Variants in SLC12A1 observed in about 807,000 individuals in gnomAD.
SLC12A1 encodes solute carrier family 12 member 1.
A neutral mutation model predicts 130.4 loss-of-function variants in SLC12A1; 89 were observed. The observed-to-expected ratio is 0.68, with a 90% CI of 0.58 to 0.81. The LOEUF (loss-of-function observed/expected upper bound fraction) is 0.81, where lower values mean the gene tolerates loss of function less well. Among genes scored for constraint, SLC12A1 ranks in the 40% least tolerant of loss-of-function variants. The pLI, the probability that SLC12A1 is intolerant of heterozygous loss-of-function variation, is 0.00. For synonymous variants in SLC12A1, 499 were observed against 460.0 expected (o/e 1.08, Z -1.09); for missense variants, 1,310 against 1,336.4 (o/e 0.98, Z 0.31).
At chr15:48,211,489 G>A (rs1239302975) in intron 2 of SLC12A1, among the ~76,000 whole-genome samples, 1 of 152,020 alleles carries the variant, frequency 6.6e-6, no homozygotes, top group African/African-American at 2.4e-5. Flanking sequence ...ATCATCAACA[G>A]AACAAACATT....
rs2042094692 is a variant in SLC12A1 at position 48,289,413 on chromosome 15, AT to A, written c.2873+898del. On this transcript the variant is annotated intron_variant, in intron 23 of 26. Coordinates refer to ENST00000380993, the MANE Select transcript of SLC12A1 (RefSeq NM_000338.3). ...ATGTGACATATATATATATATATAT[AT>A]ATATATATATATATAATGTATAACT... Among the ~76,000 whole-genome samples the A allele has an allele frequency of 2.2e-5, 3 of 133,758 alleles. No homozygotes were observed. In the South Asian group the frequency reaches 7.2e-4, roughly 32 times the overall value. 87.8% of individuals were successfully genotyped at this position (133,758 alleles called of 152,430 possible).
At chr15:48,282,193 C>T (rs2042014727) in intron 20 of SLC12A1, among the ~76,000 whole-genome samples, 1 of 152,116 alleles carries the variant, frequency 6.6e-6, no homozygotes, top group African/African-American at 2.4e-5. Flanking sequence ...CTGATTTTAG[C>T]CTTTAGAATA....
chr15:48,213,270 C>A (rs539293895), intron 2 of SLC12A1, among the ~76,000 whole-genome samples: 4 of 152,240 alleles, frequency 2.6e-5, no homozygotes, highest in African/African-American at 9.6e-5. Flanking sequence ...AATGGTGGGA[C>A]TCAGGCACGA....
At chr15:48,261,793 G>A (rs1298444043) in intron 17 of SLC12A1, among the ~76,000 whole-genome samples, 1 of 152,096 alleles carries the variant, frequency 6.6e-6, no homozygotes, top group East Asian at 1.9e-4. Context: ...GGTGCTCATG[G>A]GCTTTTGAGA....
At position 48,229,259 on chromosome 15, in the gene SLC12A1, T is replaced by A; in HGVS notation, c.795T>A (p.Ala265=). 1 of 1,602,912 alleles carries A rather than the reference T, an allele frequency of 6.2e-7. No individual in the cohort carries two copies. The highest frequency in any genetic ancestry group is 8.5e-7 in the Non-Finnish European group (1 of 1,174,240). The change falls in exon 6 of 27, where the codon GCT becomes GCA. Residue 265 remains alanine, a synonymous_variant. Coordinates refer to ENST00000380993, the MANE Select transcript of SLC12A1 (RefSeq NM_000338.3). ...GTGGGTCAATAGGCCTGATCTTTGC[T>A]TTTGCTAATGCAGTGGCTGTTGCTA... The part of the protein sequence containing the change: ...EFGGSIGLIF[A]FANAVAVAMY...
intron 17 of SLC12A1, among the ~76,000 whole-genome samples, chr15:48,265,872 A>T (rs1348753958): frequency 1.3e-5 from 2 of 152,222 alleles, no homozygotes; most frequent in Non-Finnish European, 2.9e-5. Flanking sequence ...GTAGCCAATT[A>T]AAAAGGAAAA....
intron 20 of SLC12A1, among the ~76,000 whole-genome samples, chr15:48,277,077 C>A (rs889243212): frequency 3.3e-5 from 5 of 151,940 alleles, no homozygotes; most frequent in Non-Finnish European, 5.9e-5. Context: ...TGTAGCCAAC[C>A]CTTCTGAGAA....
In SLC12A1 at chr15:48,288,204, C is replaced by A. The variant is rs377028068; in HGVS notation, c.2761+30C>A. 170 of 1,592,950 alleles carry A rather than the reference C, an allele frequency of 1.1e-4. 1 individual carries two copies. In the South Asian group the frequency reaches 1.7e-3, roughly 16 times the overall value. On this transcript the variant is annotated intron_variant, in intron 22 of 26. Transcript: ENST00000380993. ...AAACTTTCAGAAAATACACTAGGGA[C>A]AAGAATTTCAATTTTGATAAACTTA...
chr15:48,268,458 T>C (rs757556748), intron 18 of SLC12A1, among the ~76,000 whole-genome samples: 7 of 152,174 alleles, frequency 4.6e-5, no homozygotes, highest in Non-Finnish European at 8.8e-5. Flanking sequence ...TGCATTTGGC[T>C]TTCAGAGTTA....
chr15:48,295,451 C>G (rs1454324370), intron 24 of SLC12A1, among the ~76,000 whole-genome samples: 5 of 152,070 alleles, frequency 3.3e-5, no homozygotes, highest in Admixed American at 6.6e-5. Context: ...GGCTGATGTA[C>G]CTCTTCCATT....
rs2041200048 is a variant in SLC12A1, at chr15:48,220,653, G to C, written c.440G>C (p.Ser147Thr). ...ATGCAGAATGTGGCAGTCACCCCAAGTTCAGCTGACAGAGTTGCTAACGGT... is the reference window on the plus strand; with the variant it reads ...ATGCAGAATGTGGCAGTCACCCCAACTTCAGCTGACAGAGTTGCTAACGGT... ...QLAKNVAVTP[S>T]SADRVANGDG... The change falls in exon 3 of 27, where the codon AGT (serine) becomes ACT (threonine). Residue 147 changes from serine to threonine, a missense_variant. By Grantham distance (58) the Ser-to-Thr change is moderately conservative. Coordinates refer to ENST00000380993, the MANE Select transcript of SLC12A1 (RefSeq NM_000338.3). The C allele has an allele frequency of 6.2e-7, 1 of 1,613,464 alleles. No individual in the cohort carries two copies. The highest frequency in any genetic ancestry group is 1.3e-5 in the African/African-American group (1 of 75,044).
rs1399026611 is a variant in SLC12A1 at position 48,259,091 on chromosome 15, G to A, written c.2043-109G>A. The A allele has an allele frequency of 8.8e-6, 6 of 681,794 alleles. No individual in the cohort carries two copies. The East Asian group carries it at 1.5e-4, about 17-fold the overall frequency. The allele number at this position is 681,794 out of a possible 1,614,324, so 42.2% of individuals were successfully genotyped here. On this transcript the variant is annotated intron_variant, in intron 16 of 26. Coordinates refer to ENST00000380993, the MANE Select transcript of SLC12A1 (RefSeq NM_000338.3). ...CGAAACCCAAAAAATAGATAGGGGAGAGGTTGCCCCATTTTTCCAAGCCTC... is the reference window on the plus strand; with the variant it reads ...CGAAACCCAAAAAATAGATAGGGGAAAGGTTGCCCCATTTTTCCAAGCCTC...
intron 10 of SLC12A1, among the ~76,000 whole-genome samples, chr15:48,242,570 A>T (rs916935497): frequency 6.6e-6 from 1 of 152,212 alleles, no homozygotes; most frequent in African/African-American, 2.4e-5. Flanking sequence ...TGGGGGGCTG[A>T]GGCCAGAGGA....
chr15:48,229,416 T>G, intron 6 of SLC12A1, 88 bp downstream of exon 6: 3 of 1,323,978 alleles, frequency 2.3e-6, no homozygotes, highest in Non-Finnish European at 3.1e-6. Flanking sequence ...TCATTACAGC[T>G]AAATGAGAGG....
chr15:48,266,560 G>A (rs1328758419), intron 17 of SLC12A1, among the ~76,000 whole-genome samples: 1 of 151,792 alleles, frequency 6.6e-6, no homozygotes, highest in Non-Finnish European at 1.5e-5. Context: ...GCCTCCAGGA[G>A]CTTGTTAGAA....
rs2279367 is a variant in SLC12A1, at chr15:48,249,907, G to A, written c.1786+231G>A. ...ACCAGAAAGTCAATTTTCTCCTGTG[G>A]CAATAAATTATTCATTGCAAGAGAA... On this transcript the variant is annotated intron_variant, in intron 14 of 26. Transcript: ENST00000380993. 0.37 allele frequency among the ~76,000 whole-genome samples: 56,548 copies of A among 152,108 alleles called. 14,909 individuals carry two copies. The highest frequency in any genetic ancestry group is 0.74 in the African/African-American group (30,643 of 41,480).
intron 9 of SLC12A1, chr15:48,237,370 C>G (rs999565842): frequency 6.3e-6 from 1 of 159,634 alleles, no homozygotes; most frequent in Non-Finnish European, 1.4e-5. Flanking sequence ...GTCCTAAGTA[C>G]TCTGGGAGTA....
chr15:48,242,220 C>T (rs1951203850), intron 10 of SLC12A1, among the ~76,000 whole-genome samples: 1 of 152,184 alleles, frequency 6.6e-6, no homozygotes, highest in African/African-American at 2.4e-5. Context: ...TGCCTGCAGC[C>T]ACACCTCCTC....
chr15:48,291,227 A>G (rs1032162933), intron 23 of SLC12A1, among the ~76,000 whole-genome samples: 4 of 149,474 alleles, frequency 2.7e-5, no homozygotes, highest in South Asian at 2.1e-4. Flanking sequence ...TATCAGAATT[A>G]TCAGTTGCCA....
Sources: allele counts gnomAD v4.1 joint callset (sites outside exome capture counted in the v4.1 genomes callset), GRCh38; gene constraint gnomAD v4.1.1; transcripts MANE v1.5; gene names NCBI Gene and HGNC (gene_info 2026-07-23, HGNC 2026-07-21).